The following STRBP variants were observed in gnomAD, a reference collection of about 807,000 sequenced individuals.
The protein encoded by STRBP is spermatid perinuclear RNA-binding protein.
In STRBP, 13 loss-of-function variants were observed where a neutral mutation model predicts 80.1. The ratio of observed to expected loss-of-function variants is 0.16; its 90% CI spans 0.11 to 0.26. The LOEUF (loss-of-function observed/expected upper bound fraction) is 0.26, where lower values mean the gene tolerates loss of function less well. Among genes scored for constraint, STRBP ranks in the 10% least tolerant of loss-of-function variants. The pLI is 1.00. For synonymous variants in STRBP, 284 were observed against 291.2 expected (o/e 0.98, Z 0.25); for missense variants, 485 against 815.2 (o/e 0.59, Z 4.93).
At chr9:123,119,467 T>C (rs1035618505), downstream of STRBP, among the ~76,000 whole-genome samples, 1 of 145,090 alleles carries the variant, frequency 6.9e-6, no homozygotes, top group Non-Finnish European at 1.5e-5. Flanking sequence ...AACAGACACA[T>C]GAGCAACTTC....
intron 2 of STRBP, among the ~76,000 whole-genome samples, chr9:123,190,136 C>T (rs991561119): frequency 7.9e-5 from 12 of 151,982 alleles, no homozygotes; most frequent in African/African-American, 2.2e-4. Flanking sequence ...AAAAATCAGC[C>T]AAACGTGGTG....
At chr9:123,230,328 C>T (rs374657597) in intron 2 of STRBP, among the ~76,000 whole-genome samples, 17 of 152,212 alleles carry the variant, frequency 1.1e-4, no homozygotes, top group Non-Finnish European at 2.2e-4. Context: ...ATAATTATCA[C>T]GTAACTTGAC....
chr9:123,258,543 C>T (rs1372991852), intron 1 of STRBP, among the ~76,000 whole-genome samples: 4 of 152,208 alleles, frequency 2.6e-5, no homozygotes, highest in Non-Finnish European at 5.9e-5. Flanking sequence ...GTGGCTCACG[C>T]CTGTAATCCC....
At chr9:123,214,935 T>C (rs1564307754) in intron 2 of STRBP, among the ~76,000 whole-genome samples, 1 of 152,210 alleles carries the variant, frequency 6.6e-6, no homozygotes, top group Non-Finnish European at 1.5e-5. Context: ...TAGTTTCTGG[T>C]GTCCACATTT....
At chr9:123,137,019 T>C (rs2036384258) in intron 14 of STRBP, among the ~76,000 whole-genome samples, 1 of 152,172 alleles carries the variant, frequency 6.6e-6, no homozygotes, top group Non-Finnish European at 1.5e-5. Context: ...CTATAGACTA[T>C]GGATTCTGAA....
At chr9:123,127,074 C>A (rs1433873417) in intron 18 of STRBP, among the ~76,000 whole-genome samples, 1 of 152,178 alleles carries the variant, frequency 6.6e-6, no homozygotes, top group East Asian at 1.9e-4. Context: ...CTGCACTTTG[C>A]CTAAAAGAAA....
chr9:123,212,170 G>A (rs980662167), intron 2 of STRBP, among the ~76,000 whole-genome samples: 9 of 152,028 alleles, frequency 5.9e-5, no homozygotes, highest in Non-Finnish European at 1.2e-4. Flanking sequence ...ATAAATGCAC[G>A]TGTATACATT....
intron 11 of STRBP, among the ~76,000 whole-genome samples, chr9:123,157,454 G>A (rs2037337096): frequency 6.6e-6 from 1 of 152,268 alleles, no homozygotes; most frequent in South Asian, 2.1e-4. Flanking sequence ...TACATTAGCT[G>A]ACGTTACCTA....
intron 2 of STRBP, among the ~76,000 whole-genome samples, chr9:123,192,859 T>C (rs114404123): frequency 1.9e-3 from 286 of 152,290 alleles, no homozygotes; most frequent in African/African-American, 6.7e-3. Context: ...ACTAATTACC[T>C]AAGCAACTGG....
intron 2 of STRBP, among the ~76,000 whole-genome samples, chr9:123,197,428 T>A (rs1369336721): frequency 6.6e-6 from 1 of 152,148 alleles, no homozygotes; most frequent in African/African-American, 2.4e-5. Context: ...ATTCTGAAAT[T>A]TTAGTGCACT....
intron 1 of STRBP, among the ~76,000 whole-genome samples, chr9:123,253,794 C>G (rs1176890103): frequency 6.6e-6 from 1 of 152,192 alleles, no homozygotes; most frequent in Non-Finnish European, 1.5e-5. Flanking sequence ...AAATCGGAAG[C>G]AGGCAACAAA....
intron 6 of STRBP, among the ~76,000 whole-genome samples, chr9:123,165,709 A>AT (rs2037726807): frequency 6.6e-6 from 1 of 152,228 alleles, no homozygotes; most frequent in Non-Finnish European, 1.5e-5. Context: ...TGACCAGATC[A>AT]GCCTAACCAC....
chr9:123,127,585 T>G (rs1013534513), intron 18 of STRBP, among the ~76,000 whole-genome samples: 14 of 152,226 alleles, frequency 9.2e-5, no homozygotes, highest in African/African-American at 3.4e-4. Flanking sequence ...GGAGTTCATT[T>G]ATGCATTTGC....
intron 1 of STRBP, among the ~76,000 whole-genome samples, chr9:123,253,418 C>T (rs1347328870): frequency 6.6e-6 from 1 of 152,236 alleles, no homozygotes; most frequent in Non-Finnish European, 1.5e-5. Context: ...CACTGTACTG[C>T]TAAGAGAGTA....
intron 11 of STRBP, among the ~76,000 whole-genome samples, chr9:123,154,673 T>C (rs1225308516): frequency 6.6e-6 from 1 of 152,206 alleles, no homozygotes; most frequent in Non-Finnish European, 1.5e-5. Context: ...CAAATGTTGC[T>C]GAAAATGGCT....
In STRBP at chr9:123,160,973, C is replaced by A; in HGVS notation, c.627+4G>T. The A allele has an allele frequency of 6.3e-7, 1 of 1,577,338 alleles. No individual in the cohort carries two copies. The highest frequency in any genetic ancestry group is 8.5e-7 in the Non-Finnish European group (1 of 1,170,248). ...TAACAATAAGATAGTAAGAAAAAGC[C>A]AACCTGAAACCATTTGGCATGTCGA... On this transcript the variant is annotated splice_donor_region_variant and intron_variant, in intron 7 of 18. Transcript: ENST00000348403.
At chr9:123,237,998 C>T (rs941312757) in intron 1 of STRBP, among the ~76,000 whole-genome samples, 1 of 152,150 alleles carries the variant, frequency 6.6e-6, no homozygotes, top group Non-Finnish European at 1.5e-5. Context: ...ACCTTGAGAT[C>T]GGAACTTAAC....
At chr9:123,248,491 C>T (rs1217847007) in intron 1 of STRBP, among the ~76,000 whole-genome samples, 2 of 151,792 alleles carry the variant, frequency 1.3e-5, no homozygotes, top group African/African-American at 2.4e-5. Flanking sequence ...AGGCTGGTCT[C>T]GAACTCCTGA....
In STRBP at chr9:123,132,867, A is replaced by T. The variant is rs1264142107; in HGVS notation, c.1875T>A (p.Ala625=). ...LTRGAFVGAT[A]APGYIAPGYG... is the part of the protein sequence containing the mutation. Reference sequence around the variant, plus strand: ...TACCTGGAGCTATGTAGCCAGGAGCAGCTGTCGCCCCAACAAAAGCTCCCC... The same window carrying T: ...TACCTGGAGCTATGTAGCCAGGAGCTGCTGTCGCCCCAACAAAAGCTCCCC... Residue 625 remains alanine, a synonymous_variant, in exon 17 of 19, where the codon GCT becomes GCA. Transcript: ENST00000348403. 1.2e-6 allele frequency: 2 copies of T among 1,614,118 alleles called. No homozygotes were observed. The highest frequency in any genetic ancestry group is 1.7e-5 in the Admixed American group (1 of 60,024).
Sources: gnomAD v4.1 joint callset for allele counts (sites outside exome capture counted in the v4.1 genomes callset) on GRCh38, gnomAD v4.1.1 for gene constraint, MANE v1.5 for transcripts, NCBI Gene and HGNC (gene_info 2026-07-23, HGNC 2026-07-21) for gene names.